KAZN: variants seen among roughly 807,000 people sequenced by gnomAD.
The protein encoded by KAZN is kazrin, periplakin interacting protein.
In KAZN, 40 loss-of-function variants were observed where a neutral mutation model predicts 87.4. The observed-to-expected ratio is 0.46, with a 90% confidence interval of 0.36 to 0.60. The LOEUF is 0.60. Ranked by LOEUF, KAZN falls within the 20% of genes least tolerant of loss-of-function variation. The probability of loss-of-function intolerance (pLI) is 0.00; values close to 1 mark genes in which losing one functional copy is unlikely to be tolerated. For synonymous variants in KAZN, 466 were observed against 458.3 expected (o/e 1.02, Z -0.22); for missense variants, 898 against 1,073.9 (o/e 0.84, Z 2.29).
At chr1:14,344,980 G>A (rs1041517129) in intron 2 of KAZN, among the ~76,000 whole-genome samples, 6 of 149,658 alleles carry the variant, frequency 4.0e-5, no homozygotes, top group African/African-American at 1.2e-4. Context: ...GTGCAGTGGC[G>A]TGATCTCGGC....
At chr1:14,447,219 T>C (rs1667032281) in intron 2 of KAZN, among the ~76,000 whole-genome samples, 1 of 141,578 alleles carries the variant, frequency 7.1e-6, no homozygotes, top group South Asian at 2.2e-4. Flanking sequence ...ATTATTATTA[T>C]TATTATTATT....
intron 1 of KAZN, among the ~76,000 whole-genome samples, chr1:14,830,470 C>T (rs1319236079): frequency 6.6e-6 from 1 of 152,072 alleles, no homozygotes; most frequent in African/African-American, 2.4e-5. Context: ...AGAGAAGGGG[C>T]GTATTAGTCC....
At chr1:14,630,345 T>C (rs1460130118) in intron 1 of KAZN, among the ~76,000 whole-genome samples, 1 of 152,132 alleles carries the variant, frequency 6.6e-6, no homozygotes, top group Non-Finnish European at 1.5e-5. Context: ...GAGCTGTTGT[T>C]CAAGCTGGGG....
intron 1 of KAZN, among the ~76,000 whole-genome samples, chr1:14,107,477 A>G (rs1644402966): frequency 6.6e-6 from 1 of 151,990 alleles, no homozygotes; most frequent in African/African-American, 2.4e-5. Context: ...GTCCTTTGCA[A>G]CTCACATTTA....
chr1:14,810,788 T>A lies in KAZN; in HGVS notation c.227-149896T>A, dbSNP rs138726256. Among the ~76,000 whole-genome samples, 89 of 152,256 alleles carry A rather than the reference T, an allele frequency of 5.8e-4. 1 individual carries two copies. Among genetic ancestry groups the A allele is most frequent in the African/African-American group, 2.0e-3 (83 of 41,538 alleles). On this transcript the variant is annotated intron_variant, in intron 1 of 14. Transcript: ENST00000376030. ...GCCTCCAGACCTCTGACTGGGGGCA[T>A]CCTGCAAGAAAGCCGAGTCATGAGA...
chr1:14,765,534 G>A (rs1209716269), intron 1 of KAZN, among the ~76,000 whole-genome samples: 1 of 152,192 alleles, frequency 6.6e-6, no homozygotes, highest in Non-Finnish European at 1.5e-5. Context: ...CAGCTAAGGT[G>A]GAATTTGGTG....
At chr1:14,862,568 G>A (rs921124255) in intron 1 of KAZN, among the ~76,000 whole-genome samples, 3 of 152,186 alleles carry the variant, frequency 2.0e-5, no homozygotes, top group African/African-American at 7.2e-5. Context: ...ACTGACAGCA[G>A]CGAAAATCAG....
intron 2 of KAZN, among the ~76,000 whole-genome samples, chr1:14,192,052 T>C (rs539201939): frequency 6.6e-6 from 1 of 152,230 alleles, no homozygotes; most frequent in South Asian, 2.1e-4. Context: ...CCATTTTCTG[T>C]AGTTCAGGGA....
intron 1 of KAZN, among the ~76,000 whole-genome samples, chr1:14,798,371 A>G (rs1386574873): frequency 1.3e-5 from 2 of 151,256 alleles, no homozygotes; most frequent in Non-Finnish European, 2.9e-5. Context: ...AAAGAAATCA[A>G]TAGCCCTCGG....
rs60684981 is a variant in KAZN, at chr1:14,275,444, CTGTGTGTGTGTGTG to C, written c.249+94886_249+94899del. On this transcript the variant is annotated intron_variant, in intron 2 of 16. Transcript: ENST00000636203. ...GAAAACTGCAGCCTTGTGGTAAATA[CTGTGTGTGTGTGTG>C]TGTGTGTGTGTGTGTGTGTGTGTGT... Among the ~76,000 whole-genome samples the C allele has an allele frequency of 3.5e-3, 479 of 136,962 alleles. 3 individuals are homozygous for C. Among genetic ancestry groups the C allele is most frequent in the South Asian group, 5.1e-3 (20 of 3,886 alleles). 89.9% of individuals were successfully genotyped at this position (136,962 alleles called of 152,430 possible).
chr1:14,823,210 G>A (rs527756622), intron 1 of KAZN, among the ~76,000 whole-genome samples: 1 of 152,250 alleles, frequency 6.6e-6, no homozygotes, highest in South Asian at 2.1e-4. Context: ...TAATTCCTAG[G>A]AGAGAGAATC....
At position 14,760,703 on chromosome 1, in the gene KAZN, C is replaced by A. The variant is rs142976679; in HGVS notation, c.226+161480C>A. 1.6e-3 allele frequency among the ~76,000 whole-genome samples: 248 copies of A among 152,284 alleles called. 1 individual carries two copies. The highest frequency in any genetic ancestry group is 5.7e-3 in the African/African-American group (235 of 41,550). Reference sequence around the variant, plus strand: ...GTGTGGTAGCTTATGCCTGTAATCCCAGCATTTTGGGAGGCCAAAGTGGGA... The same window carrying A: ...GTGTGGTAGCTTATGCCTGTAATCCAAGCATTTTGGGAGGCCAAAGTGGGA... On this transcript the variant is annotated intron_variant, in intron 1 of 14. Transcript: ENST00000376030.
At chr1:14,698,828 G>A (rs895861555) in intron 1 of KAZN, among the ~76,000 whole-genome samples, 3 of 152,228 alleles carry the variant, frequency 2.0e-5, no homozygotes, top group African/African-American at 4.8e-5. Context: ...CCTGAAGTTG[G>A]CAAACCCCAA....
chr1:14,940,338 T>G (rs147944907), intron 1 of KAZN, among the ~76,000 whole-genome samples: 1 of 152,194 alleles, frequency 6.6e-6, no homozygotes. Context: ...TCACTCACTT[T>G]TATATTGAGC....
At chr1:15,036,341 C>T in intron 3 of KAZN, among the ~76,000 whole-genome samples, 1 of 147,088 alleles carries the variant, frequency 6.8e-6, no homozygotes, top group African/African-American at 2.5e-5. Flanking sequence ...CCGGCTCCCC[C>T]TGCCCTGCCT....
chr1:14,379,401 T>C (rs1197378832), intron 2 of KAZN, among the ~76,000 whole-genome samples: 1 of 152,044 alleles, frequency 6.6e-6, no homozygotes, highest in East Asian at 1.9e-4. Flanking sequence ...CTTAGGTACC[T>C]GCTCAGCCAC....
rs183054447 is a variant in KAZN at position 14,649,811 on chromosome 1, T to C, written c.226+50588T>C. On this transcript the variant is annotated intron_variant, in intron 1 of 14. Transcript: ENST00000376030. Reference sequence around the variant, plus strand: ...CATCTTATTTTAATAATTATCATGATCCCATTAATCCAAGAATATTTGGTA... The same window carrying C: ...CATCTTATTTTAATAATTATCATGACCCCATTAATCCAAGAATATTTGGTA... Among the ~76,000 whole-genome samples, 168 of 152,294 alleles carry C rather than the reference T, an allele frequency of 1.1e-3. 2 individuals are homozygous for C. Among genetic ancestry groups the C allele is most frequent in the African/African-American group, 3.9e-3 (163 of 41,554 alleles).
At chr1:13,901,036 A>C (rs1639227952) in intron 1 of KAZN, among the ~76,000 whole-genome samples, 1 of 108,140 alleles carries the variant, frequency 9.2e-6, no homozygotes, top group Non-Finnish European at 1.8e-5. Context: ...TCCTTGGCTA[A>C]TCATTGAAAA....
At chr1:13,965,387 G>A (rs1019944389) in intron 1 of KAZN, among the ~76,000 whole-genome samples, 1 of 152,142 alleles carries the variant, frequency 6.6e-6, no homozygotes, top group Non-Finnish European at 1.5e-5. Context: ...TGAATAAGAT[G>A]CTGATGCCAA....
Sources: gnomAD v4.1 joint callset for allele counts (sites outside exome capture counted in the v4.1 genomes callset) on GRCh38, gnomAD v4.1.1 for gene constraint, MANE v1.5 for transcripts, NCBI Gene and HGNC (gene_info 2026-07-23, HGNC 2026-07-21) for gene names.